Variants in RNLS observed in about 807,000 individuals in gnomAD.
RNLS encodes renalase, FAD dependent amine oxidase.
A neutral mutation model predicts 39.8 loss-of-function variants in RNLS; 39 were observed. The observed-to-expected ratio is 0.98, with a 90% CI of 0.76 to 1.28. The LOEUF (loss-of-function observed/expected upper bound fraction) is 1.28. Among genes scored for constraint, RNLS ranks in the 50% most tolerant of loss-of-function variants. RNLS has a pLI of 0.00. For missense variants in RNLS, 410 were observed against 413.3 expected (o/e 0.99, Z 0.07); for synonymous variants, 147 against 150.7 (o/e 0.98, Z 0.18).
chr10:88,438,136 A>G (rs1050668030), intron 4 of RNLS, among the ~76,000 whole-genome samples: 1 of 151,616 alleles, frequency 6.6e-6, no homozygotes, highest in Non-Finnish European at 1.5e-5. Context: ...AAAAAAAAAA[A>G]AAAAAGAAGC....
chr10:88,267,210 GAC>G, the RNLS span, among the ~76,000 whole-genome samples: 1 of 152,152 alleles, frequency 6.6e-6, no homozygotes, highest in African/African-American at 2.4e-5. Flanking sequence ...CCAGGGTGAA[GAC>G]TCTAGCATCT....
chr10:88,493,120 A>C (rs1844975436), intron 4 of RNLS, among the ~76,000 whole-genome samples: 2 of 152,104 alleles, frequency 1.3e-5, no homozygotes, highest in Non-Finnish European at 2.9e-5. Context: ...CTACCAGTAC[A>C]TGTTATTTCT....
At chr10:88,293,694 A>G (rs908509397) in intron 6 of RNLS, among the ~76,000 whole-genome samples, 2 of 102,168 alleles carry the variant, frequency 2.0e-5, no homozygotes, top group Non-Finnish European at 4.3e-5. Context: ...CTGGTCCATG[A>G]AAAAAAAAAT....
intron 4 of RNLS, among the ~76,000 whole-genome samples, chr10:88,393,761 C>T (rs1005501627): frequency 2.0e-5 from 3 of 152,178 alleles, no homozygotes; most frequent in African/African-American, 7.2e-5. Context: ...AAGGACAAAG[C>T]TGGAGGCATC....
intron 6 of RNLS, among the ~76,000 whole-genome samples, chr10:88,307,091 T>C (rs1844978064): frequency 6.6e-6 from 1 of 152,174 alleles, no homozygotes; most frequent in African/African-American, 2.4e-5. Flanking sequence ...CCTCAATAGA[T>C]GCAGAAAAGG....
At chr10:88,357,666 T>G (rs568911036) in intron 5 of RNLS, among the ~76,000 whole-genome samples, 1 of 152,346 alleles carries the variant, frequency 6.6e-6, no homozygotes, top group African/African-American at 2.4e-5. Flanking sequence ...ATAGGTAGAC[T>G]ACATTTCCAG....
At chr10:88,203,366 GTGTATATA>G in the RNLS span, among the ~76,000 whole-genome samples, 1 of 1,216 alleles carries the variant, frequency 8.2e-4, no homozygotes, top group Non-Finnish European at 2.2e-3. Flanking sequence ...ACGTATGTGT[GTGTATATA>G]TATATATATA....
chr10:88,351,511 G>A (rs1848705540), intron 5 of RNLS, among the ~76,000 whole-genome samples: 1 of 152,076 alleles, frequency 6.6e-6, no homozygotes, highest in Admixed American at 6.5e-5. Context: ...TCTTGTCTTT[G>A]TCAGGTTTGT....
chr10:88,333,223 C>A (rs1847242955), intron 5 of RNLS, among the ~76,000 whole-genome samples: 1 of 152,090 alleles, frequency 6.6e-6, no homozygotes, highest in African/African-American at 2.4e-5. Context: ...TGGTTATGTA[C>A]AGTGTAAATC....
chr10:88,439,957 G>A (rs1387958964), intron 4 of RNLS, among the ~76,000 whole-genome samples: 1 of 152,108 alleles, frequency 6.6e-6, no homozygotes, highest in Non-Finnish European at 1.5e-5. Context: ...CTGTTCTCAA[G>A]GCTCTCTATG....
chr10:88,504,038 A>T, intron 4 of RNLS, among the ~76,000 whole-genome samples: 1 of 152,182 alleles, frequency 6.6e-6, no homozygotes, highest in East Asian at 1.9e-4. Context: ...AAGTCTAAAC[A>T]GCAAGAAACA....
chr10:88,253,412 G>A, the RNLS span, among the ~76,000 whole-genome samples: 1 of 152,188 alleles, frequency 6.6e-6, no homozygotes, highest in East Asian at 1.9e-4. Flanking sequence ...CTTTTCCTGG[G>A]TTATTCTTAT....
At chr10:88,356,714 A>C (rs1036019082) in intron 5 of RNLS, among the ~76,000 whole-genome samples, 7 of 152,242 alleles carry the variant, frequency 4.6e-5, no homozygotes, top group Non-Finnish European at 8.8e-5. Context: ...TTTTAAGATG[A>C]GTTGGATTAT....
chr10:88,401,725 A>C (rs1414021694), intron 4 of RNLS, among the ~76,000 whole-genome samples: 1 of 152,062 alleles, frequency 6.6e-6, no homozygotes, highest in African/African-American at 2.4e-5. Context: ...ACATTCTACA[A>C]AAATAGAACA....
chr10:88,513,373 A>C (rs1471252626), intron 4 of RNLS, among the ~76,000 whole-genome samples: 1 of 152,184 alleles, frequency 6.6e-6, no homozygotes, highest in Non-Finnish European at 1.5e-5. Context: ...GTCAGACTTT[A>C]AGATTATTAG....
At chr10:88,269,338 G>A (rs1430996612), downstream of RNLS, among the ~76,000 whole-genome samples, 2 of 152,198 alleles carry the variant, frequency 1.3e-5, no homozygotes, top group Non-Finnish European at 2.9e-5. Flanking sequence ...TTGTCTATAT[G>A]TAAATAGGGC....
intron 5 of RNLS, among the ~76,000 whole-genome samples, chr10:88,336,369 G>C (rs561497657): frequency 1.3e-5 from 2 of 152,172 alleles, no homozygotes; most frequent in Non-Finnish European, 2.9e-5. Flanking sequence ...GTTTGTAATC[G>C]TTGTTATTCA....
chr10:88,375,939 A>C (rs943775519), intron 4 of RNLS, among the ~76,000 whole-genome samples: 1 of 152,130 alleles, frequency 6.6e-6, no homozygotes, highest in African/African-American at 2.4e-5. Flanking sequence ...GTGGCAACAC[A>C]AGCAATGGGA....
chr10:88,496,646 C>T (rs1195495560), intron 4 of RNLS, among the ~76,000 whole-genome samples: 1 of 152,124 alleles, frequency 6.6e-6, no homozygotes, highest in Non-Finnish European at 1.5e-5. Flanking sequence ...CACCCCATCC[C>T]CACATGCAAC....
Sources: gnomAD v4.1 joint callset for allele counts (sites outside exome capture counted in the v4.1 genomes callset) on GRCh38, gnomAD v4.1.1 for gene constraint, MANE v1.5 for transcripts, NCBI Gene and HGNC (gene_info 2026-07-23, HGNC 2026-07-21) for gene names.